Variants in TESK2 observed in about 807,000 individuals in gnomAD.
The protein encoded by TESK2 is testis associated actin remodelling kinase 2.
TESK2 carries 39 observed loss-of-function variants against 57.1 expected under a neutral mutation model. The ratio of observed to expected loss-of-function variants is 0.68; its 90% CI spans 0.53 to 0.89. The LOEUF (loss-of-function observed/expected upper bound fraction) is 0.89. Ranked by LOEUF, TESK2 falls within the 40% of genes least tolerant of loss-of-function variation. The pLI, the probability that TESK2 is intolerant of heterozygous loss-of-function variation, is 0.00. For missense variants in TESK2, 646 were observed against 732.1 expected (o/e 0.88, Z 1.36); for synonymous variants, 249 against 267.9 (o/e 0.93, Z 0.69).
chr1:45,381,860 C>CTT (rs748886310), intron 4 of TESK2, among the ~76,000 whole-genome samples: 130 of 91,858 alleles, frequency 1.4e-3, no homozygotes, highest in Middle Eastern at 7.6e-3. Flanking sequence ...CATTCCTATT[C>CTT]TTTTTTTTTT....
intron 1 of TESK2, among the ~76,000 whole-genome samples, chr1:45,487,707 CAT>C (rs1491094948): frequency 6.6e-6 from 1 of 152,180 alleles, no homozygotes; most frequent in Non-Finnish European, 1.5e-5. Context: ...TGGAATGAAA[CAT>C]ATCTCCTACA....
intron 1 of TESK2, among the ~76,000 whole-genome samples, chr1:45,469,831 A>G (rs918244454): frequency 1.3e-5 from 2 of 152,206 alleles, no homozygotes; most frequent in Non-Finnish European, 2.9e-5. Context: ...TCTAATGCAC[A>G]GTATCTGCTG....
At chr1:45,414,608 A>G (rs1277194545) in intron 3 of TESK2, among the ~76,000 whole-genome samples, 6 of 152,228 alleles carry the variant, frequency 3.9e-5, no homozygotes, top group Admixed American at 3.9e-4. Context: ...GATATGGAAT[A>G]GGAATGGTAA....
At chr1:45,401,524 CT>C (rs1428376773) in intron 3 of TESK2, among the ~76,000 whole-genome samples, 1 of 152,104 alleles carries the variant, frequency 6.6e-6, no homozygotes, top group Non-Finnish European at 1.5e-5. Context: ...TCTGGGGCCA[CT>C]GTATCAAAGC....
chr1:45,344,609 T>A lies in TESK2; in HGVS notation c.*231A>T. 5.6e-6 allele frequency: 3 copies of A among 537,820 alleles called. No homozygotes were observed. Among genetic ancestry groups the A allele is most frequent in the Non-Finnish European group, 1.0e-5 (3 of 300,794 alleles). 33.3% of individuals were successfully genotyped at this position (537,820 alleles called of 1,614,324 possible). A position where few individuals can be genotyped will look rare whatever the true frequency, so the allele number is the denominator to read the frequency against. Reference sequence around the variant, plus strand: ...GGGTCTGGTGGGAGGCAGACCTCCTTGCTGGATTTCAGAGGCTTGGTATCA... The same window carrying A: ...GGGTCTGGTGGGAGGCAGACCTCCTAGCTGGATTTCAGAGGCTTGGTATCA... On this transcript the variant is annotated 3_prime_UTR_variant, in exon 11 of 11. Transcript: ENST00000372086.
chr1:45,401,295 G>C (rs1371990386), intron 3 of TESK2, among the ~76,000 whole-genome samples: 1 of 151,998 alleles, frequency 6.6e-6, no homozygotes. Flanking sequence ...TACTCAGTAG[G>C]CTGAGGCAGG....
intron 3 of TESK2, chr1:45,413,960 A>C: frequency 2.6e-6 from 1 of 389,104 alleles, no homozygotes; most frequent in Non-Finnish European, 5.1e-6. Context: ...AATCCTAAGT[A>C]TTAACAGCAA....
At chr1:45,358,624 C>T (rs759392250) in intron 4 of TESK2, among the ~76,000 whole-genome samples, 5 of 151,874 alleles carry the variant, frequency 3.3e-5, no homozygotes, top group Non-Finnish European at 5.9e-5. Flanking sequence ...GGTAGGTACA[C>T]TGGTACTTTT....
intron 2 of TESK2, among the ~76,000 whole-genome samples, chr1:45,434,360 T>C (rs1651101504): frequency 6.6e-6 from 1 of 152,024 alleles, no homozygotes; most frequent in Non-Finnish European, 1.5e-5. Context: ...AGTGGCATGA[T>C]CACAGCTCAC....
intron 1 of TESK2, among the ~76,000 whole-genome samples, chr1:45,486,072 G>C (rs530776839): frequency 6.6e-6 from 1 of 152,272 alleles, no homozygotes; most frequent in South Asian, 2.1e-4. Flanking sequence ...ATTACAACCA[G>C]GCTTTTCTCT....
At position 45,407,249 on chromosome 1, in the gene TESK2, T is replaced by G. The variant is rs980374528; in HGVS notation, c.344+14476A>C. On this transcript the variant is annotated intron_variant, in intron 3 of 10. Coordinates refer to ENST00000372086, the MANE Select transcript of TESK2 (RefSeq NM_007170.3). ...CACAGGTGGTGGCCCCACAATGGGT[T>G]TTTTTTTGTTTTTTTAATCTTTTGC... Among the ~76,000 whole-genome samples the G allele has an allele frequency of 1.1e-3, 4 of 3,738 alleles. No individual in the cohort carries two copies. The East Asian group carries it at 0.2, about 187-fold the overall frequency. The allele number at this position is 3,738 out of a possible 152,430, so 2.5% of individuals were successfully genotyped here. A position where few individuals can be genotyped will look rare whatever the true frequency, so the allele number is the denominator to read the frequency against.
chr1:45,375,108 C>T (rs1648348942), intron 4 of TESK2, among the ~76,000 whole-genome samples: 1 of 152,164 alleles, frequency 6.6e-6, no homozygotes, highest in Non-Finnish European at 1.5e-5. Flanking sequence ...CACCCTTTCT[C>T]TTTTTTCAGT....
chr1:45,476,905 G>C (rs1653019386), intron 1 of TESK2, among the ~76,000 whole-genome samples: 1 of 151,714 alleles, frequency 6.6e-6, no homozygotes, highest in Non-Finnish European at 1.5e-5. Context: ...CTACCACTTT[G>C]AGAGGCCAAG....
At chr1:45,431,156 C>T (rs564299902) in intron 2 of TESK2, among the ~76,000 whole-genome samples, 11 of 152,180 alleles carry the variant, frequency 7.2e-5, no homozygotes, top group Admixed American at 2.0e-4. Context: ...CAGTGGCTCA[C>T]GCCTGCAATC....
chr1:45,390,397 G>A (rs1012621327), intron 3 of TESK2, among the ~76,000 whole-genome samples: 6 of 152,050 alleles, frequency 3.9e-5, no homozygotes, highest in African/African-American at 1.4e-4. Context: ...CAGGGAGGCA[G>A]AAGTTGCAGT....
chr1:45,490,977 TG>T lies in TESK2; in HGVS notation c.-213del. On this transcript the variant is annotated 5_prime_UTR_variant, in exon 1 of 11. It removes the in-frame stop codon of an upstream open reading frame in the 5' UTR. Coordinates refer to ENST00000372086, the MANE Select transcript of TESK2 (RefSeq NM_007170.3). ...GCGGCTCCTTAGCCTGCGGAGGCGGTGGGAGCCCCTAGCGCAGAAGCCGGCG... is the reference window on the plus strand; with the variant it reads ...GCGGCTCCTTAGCCTGCGGAGGCGGTGGAGCCCCTAGCGCAGAAGCCGGCG... 1 of 152,368 alleles carries T rather than the reference TG, an allele frequency of 6.6e-6. No individual in the cohort carries two copies. The highest frequency in any genetic ancestry group is 1.9e-4 in the East Asian group (1 of 5,176). 9.4% of individuals were successfully genotyped at this position (152,368 alleles called of 1,614,324 possible).
intron 3 of TESK2, among the ~76,000 whole-genome samples, chr1:45,388,924 G>A (rs1649022644): frequency 6.6e-6 from 1 of 152,112 alleles, no homozygotes; most frequent in African/African-American, 2.4e-5. Flanking sequence ...GTTTCACCGT[G>A]TTAGCTGAGA....
chr1:45,439,545 GTTCATTATATT>G (rs1651356999), intron 2 of TESK2, among the ~76,000 whole-genome samples: 1 of 152,124 alleles, frequency 6.6e-6, no homozygotes, highest in African/African-American at 2.4e-5. Context: ...ACGCATAATA[GTTCATTATATT>G]TTCTCAACAA....
chr1:45,436,448 G>A (rs1322165088), intron 2 of TESK2, among the ~76,000 whole-genome samples: 3 of 135,918 alleles, frequency 2.2e-5, no homozygotes, highest in African/African-American at 5.5e-5. Flanking sequence ...GCCTCCCAAA[G>A]TGCTGGGATC....
Sources: gnomAD v4.1 joint callset for allele counts (sites outside exome capture counted in the v4.1 genomes callset) on GRCh38, gnomAD v4.1.1 for gene constraint, MANE v1.5 for transcripts, NCBI Gene and HGNC (gene_info 2026-07-23, HGNC 2026-07-21) for gene names.